WDR7: variants seen among roughly 807,000 people sequenced by gnomAD.
WDR7 encodes WD repeat domain 7.
A neutral mutation model predicts 169.4 loss-of-function variants in WDR7; 46 were observed. The ratio of observed to expected loss-of-function variants is 0.27; its 90% confidence interval spans 0.21 to 0.35. The LOEUF (loss-of-function observed/expected upper bound fraction) is 0.35, where lower values mean the gene tolerates loss of function less well. Ranked by LOEUF, WDR7 falls within the 10% of genes least tolerant of loss-of-function variation. The pLI is 1.00. For missense variants in WDR7, 1,534 were observed against 1,859.3 expected, an observed-to-expected ratio of 0.83 and a Z score of 3.22; for synonymous variants, 612 against 666.8, an observed-to-expected ratio of 0.92 and a Z score of 1.27.
In WDR7 at chr18:56,784,366, G is replaced by C. The variant is rs560599742; in HGVS notation, c.3190+2710G>C. ...ATTTTAGTGCAGCCTTCACCTGGAG[G>C]GTAAAGGTGCACATTGCTGTACATT... On this transcript the variant is annotated intron_variant, in intron 19 of 27. Coordinates refer to ENST00000254442, the MANE Select transcript of WDR7 (RefSeq NM_015285.3). Among the ~76,000 whole-genome samples the C allele has an allele frequency of 1.1e-4, 16 of 152,152 alleles. No individual in the cohort carries two copies. The South Asian group carries it at 3.3e-3, about 32-fold the overall frequency.
intron 25 of WDR7, among the ~76,000 whole-genome samples, chr18:56,954,383 T>C (rs942606347): frequency 4.6e-5 from 7 of 152,170 alleles, no homozygotes; most frequent in Middle Eastern, 3.2e-3. Context: ...ATACAGCCAT[T>C]AAAAAGATTG....
At chr18:56,909,609 A>G (rs999777440) in intron 21 of WDR7, among the ~76,000 whole-genome samples, 1 of 152,142 alleles carries the variant, frequency 6.6e-6, no homozygotes, top group Non-Finnish European at 1.5e-5. Context: ...TATGTTTTAT[A>G]TATAACATAA....
At chr18:56,778,540 G>T (rs1280891567) in intron 17 of WDR7, among the ~76,000 whole-genome samples, 1 of 152,052 alleles carries the variant, frequency 6.6e-6, no homozygotes, top group African/African-American at 2.4e-5. Flanking sequence ...TTTAAAATGG[G>T]GTTGCAGTGA....
intron 1 of WDR7, among the ~76,000 whole-genome samples, chr18:56,656,785 A>G (rs2024786404): frequency 6.6e-6 from 1 of 152,196 alleles, no homozygotes; most frequent in African/African-American, 2.4e-5. Context: ...TCTAAAAACA[A>G]TACCAGTAGA....
intron 14 of WDR7, among the ~76,000 whole-genome samples, chr18:56,735,633 C>T (rs887046124): frequency 2.0e-5 from 3 of 151,824 alleles, no homozygotes; most frequent in Non-Finnish European, 4.4e-5. Context: ...TCTTATTGTC[C>T]CCAATTAGCA....
chr18:56,864,052 A>G (rs1319977651), intron 20 of WDR7, among the ~76,000 whole-genome samples: 2 of 151,906 alleles, frequency 1.3e-5, no homozygotes, highest in East Asian at 1.9e-4. Context: ...TTGTGATACT[A>G]CATTTACCAA....
intron 1 of WDR7, among the ~76,000 whole-genome samples, chr18:56,653,497 A>G (rs200100410): frequency 6.6e-6 from 1 of 152,102 alleles, no homozygotes; most frequent in African/African-American, 2.4e-5. Context: ...GTGAGCCACC[A>G]CATCCAGTCT....
In WDR7 at chr18:56,686,923, T is replaced by C; in HGVS notation, c.666T>C (p.Phe222=). ...IYCQNCQSIS[F]CAFTQRSLLV... is the part of the protein sequence containing the mutation. The stretch of plus-strand genomic sequence containing the variant: ...GTCAGAATTGCCAAAGCATCTCTTT[T>C]TGTGCATTTACACAAAGGTCACTTT... The change falls in exon 7 of 28, where the codon TTT becomes TTC. Residue 222 remains phenylalanine (F), a synonymous_variant. Coordinates refer to ENST00000254442, the MANE Select transcript of WDR7 (RefSeq NM_015285.3). The C allele has an allele frequency of 5.6e-6, 9 of 1,611,824 alleles. No individual in the cohort carries two copies. Among genetic ancestry groups the C allele is most frequent in the Non-Finnish European group, 7.6e-6 (9 of 1,178,138 alleles).
intron 7 of WDR7, among the ~76,000 whole-genome samples, chr18:56,688,711 A>G (rs11877262): frequency 0.032 from 4,913 of 151,846 alleles, 265 homozygotes; most frequent in African/African-American, 0.11. Context: ...CCTGGCTGAC[A>G]GAGCAAGACT....
At chr18:56,911,196 G>T (rs530446584) in intron 21 of WDR7, among the ~76,000 whole-genome samples, 81 of 152,344 alleles carry the variant, frequency 5.3e-4, no homozygotes, top group African/African-American at 1.9e-3. Flanking sequence ...AAGAGCAGAA[G>T]ATCTCAACAG....
At chr18:56,841,686 C>G (rs906265714) in intron 20 of WDR7, among the ~76,000 whole-genome samples, 1 of 152,058 alleles carries the variant, frequency 6.6e-6, no homozygotes, top group Non-Finnish European at 1.5e-5. Context: ...TATTACCACA[C>G]TGATGTTTAT....
intron 1 of WDR7, among the ~76,000 whole-genome samples, chr18:56,665,548 A>G (rs923978096): frequency 2.6e-5 from 4 of 152,130 alleles, no homozygotes; most frequent in African/African-American, 7.2e-5. Flanking sequence ...GTGTGTGTGT[A>G]CCCACTGTAT....
intron 26 of WDR7, among the ~76,000 whole-genome samples, chr18:56,997,518 T>C (rs180798580): frequency 7.4e-4 from 113 of 152,326 alleles, no homozygotes; most frequent in African/African-American, 1.7e-3. Flanking sequence ...ATCCAAAGGG[T>C]GCTTATCTCT....
At chr18:56,886,844 C>T (rs978361895) in intron 21 of WDR7, among the ~76,000 whole-genome samples, 3 of 152,080 alleles carry the variant, frequency 2.0e-5, no homozygotes, top group Admixed American at 1.3e-4. Context: ...ATTCTTATAT[C>T]AGACAAATTT....
At chr18:56,731,668 A>G (rs919926750) in intron 14 of WDR7, 71 bp downstream of exon 14, 3 of 1,294,522 alleles carry the variant, frequency 2.3e-6, no homozygotes, top group South Asian at 3.2e-5. Context: ...TGGCTTTGGC[A>G]TATCTTAGAA....
At chr18:56,835,149 A>G (rs751937152) in intron 20 of WDR7, among the ~76,000 whole-genome samples, 8 of 152,214 alleles carry the variant, frequency 5.3e-5, no homozygotes, top group Non-Finnish European at 1.2e-4. Flanking sequence ...AAAGTAGAAC[A>G]AGGTATACCA....
intron 19 of WDR7, among the ~76,000 whole-genome samples, chr18:56,791,101 A>C (rs1443954505): frequency 6.6e-6 from 1 of 152,180 alleles, no homozygotes; most frequent in Admixed American, 6.5e-5. Flanking sequence ...GTTTTAAAAA[A>C]TTGTTTTGAC....
At chr18:56,990,729 A>T (rs147340162) in intron 26 of WDR7, among the ~76,000 whole-genome samples, 1 of 152,198 alleles carries the variant, frequency 6.6e-6, no homozygotes, top group Non-Finnish European at 1.5e-5. Context: ...CTTTACTTAT[A>T]TATACCATAG....
At chr18:56,915,067 A>T (rs1185088770) in intron 21 of WDR7, among the ~76,000 whole-genome samples, 1 of 152,202 alleles carries the variant, frequency 6.6e-6, no homozygotes, top group Non-Finnish European at 1.5e-5. Flanking sequence ...TTCTTAATTT[A>T]ACAGTTATTG....
Sources: allele counts gnomAD v4.1 joint callset (sites outside exome capture counted in the v4.1 genomes callset), GRCh38; gene constraint gnomAD v4.1.1; transcripts MANE v1.5; gene names NCBI Gene and HGNC (gene_info 2026-07-23, HGNC 2026-07-21).